ANK1: variants seen among roughly 807,000 people sequenced by gnomAD.
ANK1 encodes ankyrin 1.
A neutral mutation model predicts 210.4 loss-of-function variants in ANK1; 51 were observed. That is an observed-to-expected ratio of 0.24 (90% CI 0.19 to 0.31). The LOEUF is 0.31. Among genes scored for constraint, ANK1 ranks in the 10% least tolerant of loss-of-function variants. ANK1 has a pLI of 1.00. For missense variants in ANK1, 2,051 were observed against 2,504.4 expected, an observed-to-expected ratio of 0.82 and a Z score of 3.86; for synonymous variants, 967 against 1,025.9, an observed-to-expected ratio of 0.94 and a Z score of 1.10.
intron 1 of ANK1, among the ~76,000 whole-genome samples, chr8:41,889,348 G>A (rs548870515): frequency 3.9e-5 from 6 of 152,218 alleles, no homozygotes; most frequent in Admixed American, 1.3e-4. Context: ...TGTCATGCAC[G>A]AGGAACACTG....
chr8:41,724,631 A>G, intron 6 of ANK1, 77 bp from the exon 7 acceptor site: 16 of 1,373,228 alleles, frequency 1.2e-5, no homozygotes, highest in Non-Finnish European at 1.6e-5. Flanking sequence ...GGATGCAGGA[A>G]ACTCAGGTGG....
intron 2 of ANK1, among the ~76,000 whole-genome samples, chr8:41,734,362 T>G (rs1374551615): frequency 6.6e-6 from 1 of 152,252 alleles, no homozygotes; most frequent in Non-Finnish European, 1.5e-5. Context: ...TTGAAATTCA[T>G]GTCGAGGCCA....
intron 1 of ANK1, among the ~76,000 whole-genome samples, chr8:41,848,975 A>G (rs909318631): frequency 1.3e-5 from 2 of 152,130 alleles, no homozygotes; most frequent in South Asian, 2.1e-4. Context: ...CTGGAGCTTG[A>G]CCTGCCTCTG....
chr8:41,692,397 G>A (rs1038073681), intron 31 of ANK1, among the ~76,000 whole-genome samples: 14 of 152,178 alleles, frequency 9.2e-5, no homozygotes, highest in South Asian at 8.3e-4. Flanking sequence ...CAAGACCTTC[G>A]GCAAATGCCA....
intron 31 of ANK1, among the ~76,000 whole-genome samples, chr8:41,691,922 G>A (rs1819373208): frequency 6.6e-6 from 1 of 152,220 alleles, no homozygotes; most frequent in Non-Finnish European, 1.5e-5. Context: ...AAACTCCTGG[G>A]CTCAAAGCGA....
chr8:41,781,053 C>A (rs963715126), intron 1 of ANK1, among the ~76,000 whole-genome samples: 2 of 152,124 alleles, frequency 1.3e-5, no homozygotes, highest in African/African-American at 4.8e-5. Context: ...ACCAGAAGTG[C>A]TAAAGAGAAA....
chr8:41,797,788 C>T (rs1849077791), upstream of ANK1, among the ~76,000 whole-genome samples: 1 of 152,064 alleles, frequency 6.6e-6, no homozygotes, highest in Non-Finnish European at 1.5e-5. This position sits in a 1 kb window ranked among gnomAD's most constrained non-coding sequence, Gnocchi z 4.0. Flanking sequence ...AGGCCCCGCT[C>T]CCCAGGCCTC....
intron 1 of ANK1, among the ~76,000 whole-genome samples, chr8:41,891,758 A>G (rs1378166299): frequency 6.6e-6 from 1 of 152,212 alleles, no homozygotes; most frequent in African/African-American, 2.4e-5. Flanking sequence ...AGGCAGGCCC[A>G]CCTTCATTTA....
rs576927676 is a variant in ANK1, at chr8:41,697,641, GGAGGCAGGTGTCCAGCCCTCCTGCCT to G, written c.2637+376_2637+401del. 1,244 of 345,348 alleles carry G rather than the reference GGAGGCAGGTGTCCAGCCCTCCTGCCT, an allele frequency of 3.6e-3. 5 individuals are homozygous for G. The highest frequency in any genetic ancestry group is 5.3e-3 in the Non-Finnish European group (934 of 175,186). The allele number at this position is 345,348 out of a possible 1,614,324, so 21.4% of individuals were successfully genotyped here. A position where few individuals can be genotyped will look rare whatever the true frequency, so the allele number is the denominator to read the frequency against. On this transcript the variant is annotated intron_variant, in intron 24 of 42. Transcript: ENST00000289734. ...CTTTCTGGTTGGGCCCCGGCTCCCA[GGAGGCAGGTGTCCAGCCCTCCTGCCT>G]GAGCCTGTCCGGGGTGCACAGCAGG...
intron 37 of ANK1, among the ~76,000 whole-genome samples, chr8:41,682,869 C>T (rs11986485): frequency 0.27 from 40,867 of 152,172 alleles, 5,747 homozygotes; most frequent in Middle Eastern, 0.36. Flanking sequence ...AGCTTTGTCA[C>T]TAGAATTTCC....
intron 2 of ANK1, among the ~76,000 whole-genome samples, chr8:41,752,203 C>T (rs886174208): frequency 2.0e-4 from 31 of 152,164 alleles, no homozygotes; most frequent in African/African-American, 7.2e-4. Context: ...TGTATGTGCC[C>T]ATCCTCTTAG....
chr8:41,692,304 G>A (rs1190772772), intron 31 of ANK1, among the ~76,000 whole-genome samples: 11 of 152,188 alleles, frequency 7.2e-5, no homozygotes, highest in Admixed American at 2.6e-4. Flanking sequence ...TGATCTGCCC[G>A]CCTTGGCCTT....
chr8:41,775,135 G>T (rs1196383347), intron 1 of ANK1, among the ~76,000 whole-genome samples: 1 of 151,880 alleles, frequency 6.6e-6, no homozygotes, highest in African/African-American at 2.4e-5. Flanking sequence ...TCTGAAGGAT[G>T]CCCAGGCGTT....
At chr8:41,890,819 T>G (rs1422470282) in intron 1 of ANK1, among the ~76,000 whole-genome samples, 5 of 152,080 alleles carry the variant, frequency 3.3e-5, no homozygotes, top group Non-Finnish European at 7.3e-5. Flanking sequence ...TAGATTTACT[T>G]GGTACCAATT....
chr8:41,867,073 T>C (rs541932593), intron 1 of ANK1, among the ~76,000 whole-genome samples: 1 of 152,352 alleles, frequency 6.6e-6, no homozygotes, highest in Non-Finnish European at 1.5e-5. Flanking sequence ...TACATCCATC[T>C]GACCAGTTGG....
At chr8:41,663,160 A>T (rs1199280731) in intron 40 of ANK1, among the ~76,000 whole-genome samples, 1 of 148,450 alleles carries the variant, frequency 6.7e-6, no homozygotes, top group Non-Finnish European at 1.5e-5. Flanking sequence ...ATTTTTTAAA[A>T]TTTTTTTTAG....
intron 1 of ANK1, among the ~76,000 whole-genome samples, chr8:41,891,097 G>A (rs1587650035): frequency 6.6e-6 from 1 of 152,148 alleles, no homozygotes; most frequent in East Asian, 1.9e-4. Flanking sequence ...TTTCTTGCAG[G>A]CGACAGTGTT....
chr8:41,683,088 ACACATGCACGCACACATG>A (rs1816603217), intron 37 of ANK1, among the ~76,000 whole-genome samples: 3 of 152,046 alleles, frequency 2.0e-5, no homozygotes, highest in Admixed American at 2.0e-4. Flanking sequence ...GCACACACAC[ACACATGCACGCACACATG>A]CACACACATA....
chr8:41,664,289 T>G, intron 39 of ANK1: 1 of 396,282 alleles, frequency 2.5e-6, no homozygotes, highest in Non-Finnish European at 5.0e-6. Context: ...TTGGGCAACA[T>G]AGCGAGCCCC....
Sources: gnomAD v4.1 joint callset for allele counts (sites outside exome capture counted in the v4.1 genomes callset) on GRCh38, gnomAD v4.1.1 for gene constraint, Gnocchi (gnomAD v3.1) non-coding constraint, MANE v1.5 for transcripts, NCBI Gene and HGNC (gene_info 2026-07-23, HGNC 2026-07-21) for gene names.